Variants in DTNB observed in about 807,000 individuals in gnomAD.
The protein encoded by DTNB is DTN-B.
A neutral mutation model predicts 90.7 loss-of-function variants in DTNB; 63 were observed. The observed-to-expected ratio is 0.69, with a 90% CI of 0.57 to 0.86. The LOEUF is 0.86. Among genes scored for constraint, DTNB ranks in the 40% least tolerant of loss-of-function variants. DTNB has a pLI of 0.00. For missense variants in DTNB, 744 were observed against 807.1 expected (o/e 0.92, Z 0.95); for synonymous variants, 277 against 286.7 (o/e 0.97, Z 0.34).
At chr2:25,595,730 C>T (rs1454364378) in intron 6 of DTNB, among the ~76,000 whole-genome samples, 1 of 152,126 alleles carries the variant, frequency 6.6e-6, no homozygotes, top group Non-Finnish European at 1.5e-5. Flanking sequence ...GGAAACAATG[C>T]AGTATTGTTA....
At chr2:25,530,233 A>C (rs974863978) in intron 9 of DTNB, among the ~76,000 whole-genome samples, 3 of 152,076 alleles carry the variant, frequency 2.0e-5, no homozygotes, top group Admixed American at 2.0e-4. Flanking sequence ...CCCAGAGTTC[A>C]AGACCAACCT....
chr2:25,467,852 A>T (rs2062078428), intron 10 of DTNB, among the ~76,000 whole-genome samples: 2 of 152,164 alleles, frequency 1.3e-5, no homozygotes, highest in Non-Finnish European at 2.9e-5. Context: ...TGTTGCAGCT[A>T]CTCAGTCTGC....
chr2:25,377,735 A>C (rs2036233168), intron 20 of DTNB, among the ~76,000 whole-genome samples, 182 bp from the exon 21 acceptor site: 1 of 152,092 alleles, frequency 6.6e-6, no homozygotes, highest in Non-Finnish European at 1.5e-5. Flanking sequence ...AAGGGTCAGG[A>C]AGTGTTTCCG....
chr2:25,553,349 G>A (rs888315913), intron 8 of DTNB, among the ~76,000 whole-genome samples: 2 of 152,144 alleles, frequency 1.3e-5, no homozygotes, highest in African/African-American at 4.8e-5. Context: ...TAACTGGTAA[G>A]CTATAATTTT....
At chr2:25,508,828 C>A (rs1020708631) in intron 9 of DTNB, among the ~76,000 whole-genome samples, 1 of 152,188 alleles carries the variant, frequency 6.6e-6, no homozygotes, top group Non-Finnish European at 1.5e-5. Flanking sequence ...GCCACTGCAC[C>A]CGGCCCTAAA....
chr2:25,598,735 G>A (rs2065175198), intron 5 of DTNB: 1 of 152,166 alleles, frequency 6.6e-6, no homozygotes, highest in Admixed American at 6.5e-5. Flanking sequence ...TGAGGATAGG[G>A]ACTGGGGGGC....
chr2:25,437,846 T>C (rs2056348956), intron 12 of DTNB, among the ~76,000 whole-genome samples: 1 of 152,216 alleles, frequency 6.6e-6, no homozygotes, highest in African/African-American at 2.4e-5. Flanking sequence ...GTTAGGGATG[T>C]TCTGGTGAAT....
At chr2:25,640,028 G>A (rs577275514) in intron 2 of DTNB, among the ~76,000 whole-genome samples, 2 of 152,304 alleles carry the variant, frequency 1.3e-5, no homozygotes, top group South Asian at 4.1e-4. Flanking sequence ...GCATCATGAA[G>A]CAAAGTCAAG....
At chr2:25,500,060 A>T (rs1377328341) in intron 9 of DTNB, among the ~76,000 whole-genome samples, 1 of 151,718 alleles carries the variant, frequency 6.6e-6, no homozygotes, top group Non-Finnish European at 1.5e-5. Flanking sequence ...TATCCAGTTA[A>T]TTTTTTTTAT....
intron 12 of DTNB, among the ~76,000 whole-genome samples, chr2:25,445,800 C>G (rs751838679): frequency 6.6e-6 from 1 of 152,014 alleles, no homozygotes; most frequent in Non-Finnish European, 1.5e-5. Context: ...CTCTTTGCAT[C>G]TAGGTTTAAT....
intron 9 of DTNB, among the ~76,000 whole-genome samples, chr2:25,512,381 T>C (rs1037468214): frequency 6.6e-6 from 1 of 152,180 alleles, no homozygotes; most frequent in Non-Finnish European, 1.5e-5. Context: ...GAATTTACAA[T>C]TGTGCTCCAT....
chr2:25,645,470 C>T (rs1027636338), intron 2 of DTNB, among the ~76,000 whole-genome samples: 1 of 151,712 alleles, frequency 6.6e-6, no homozygotes, highest in Non-Finnish European at 1.5e-5. Context: ...TTAACAGGGT[C>T]TCACTCACCC....
intron 4 of DTNB, among the ~76,000 whole-genome samples, chr2:25,614,834 C>T (rs997942101): frequency 5.9e-5 from 9 of 152,190 alleles, no homozygotes; most frequent in East Asian, 5.8e-4. Flanking sequence ...CCAGATGCCT[C>T]GGGAGTTATT....
At chr2:25,641,470 C>T (rs932332892) in intron 2 of DTNB, among the ~76,000 whole-genome samples, 6 of 151,718 alleles carry the variant, frequency 4.0e-5, no homozygotes, top group African/African-American at 1.5e-4. Flanking sequence ...ATTTTTTTGC[C>T]CAGGATGGTC....
intron 9 of DTNB, among the ~76,000 whole-genome samples, chr2:25,486,944 G>A (rs368136708): frequency 1.8e-4 from 28 of 152,116 alleles, no homozygotes; most frequent in East Asian, 5.8e-4. Flanking sequence ...ACCATCTATC[G>A]CTTGGTCCAG....
rs1559430926 is a variant in DTNB at position 25,662,680 on chromosome 2, AAACAC to A, written c.-1-10024_-1-10020del. On this transcript the variant is annotated intron_variant, in intron 1 of 20. Coordinates refer to ENST00000406818, the MANE Select transcript of DTNB (RefSeq NM_021907.5). ...CACACACACACACACACACACACAC[AAACAC>A]ACACACACACACACACACACACAGC... 2.5e-3 allele frequency among the ~76,000 whole-genome samples: 323 copies of A among 129,896 alleles called. 2 individuals are homozygous for A. The highest frequency in any genetic ancestry group is 4.0e-3 in the South Asian group (15 of 3,758). 85.2% of individuals were successfully genotyped at this position (129,896 alleles called of 152,430 possible).
At chr2:25,495,077 T>C (rs1202186421) in intron 9 of DTNB, among the ~76,000 whole-genome samples, 9 of 152,166 alleles carry the variant, frequency 5.9e-5, no homozygotes, top group Non-Finnish European at 1.2e-4. Context: ...TTTCTCTTTT[T>C]TTTTTTGAGT....
chr2:25,495,600 C>T (rs140589522), intron 9 of DTNB, among the ~76,000 whole-genome samples: 4 of 152,240 alleles, frequency 2.6e-5, no homozygotes, highest in East Asian at 1.9e-4. Flanking sequence ...CAATGATTCT[C>T]GTGTGGATAG....
At chr2:25,574,434 A>C (rs1005281039) in intron 8 of DTNB, among the ~76,000 whole-genome samples, 3 of 152,262 alleles carry the variant, frequency 2.0e-5, no homozygotes, top group African/African-American at 7.2e-5. Context: ...CTGCATAGCT[A>C]CTGAGATAAA....
Sources: allele counts gnomAD v4.1 joint callset (sites outside exome capture counted in the v4.1 genomes callset), GRCh38; gene constraint gnomAD v4.1.1; transcripts MANE v1.5; gene names NCBI Gene and HGNC (gene_info 2026-07-23, HGNC 2026-07-21).